The following GRIK1 variants were observed in gnomAD, a reference collection of about 807,000 sequenced individuals.
The protein encoded by GRIK1 is glutamate ionotropic receptor kainate type subunit 1.
A neutral mutation model predicts 105.7 loss-of-function variants in GRIK1; 69 were observed. That is an observed-to-expected ratio of 0.65 (90% confidence interval 0.54 to 0.80). The LOEUF (loss-of-function observed/expected upper bound fraction) is 0.80, where lower values mean the gene tolerates loss of function less well. Ranked by LOEUF, GRIK1 falls within the 30% of genes least tolerant of loss-of-function variation. GRIK1 has a pLI of 0.00. For missense variants in GRIK1, 1,109 were observed against 1,167.3 expected, an observed-to-expected ratio of 0.95 and a Z score of 0.73; for synonymous variants, 438 against 431.3, an observed-to-expected ratio of 1.02 and a Z score of -0.19.
chr21:29,783,953 C>T (rs933404013), intron 1 of GRIK1, among the ~76,000 whole-genome samples: 8 of 152,074 alleles, frequency 5.3e-5, no homozygotes, highest in African/African-American at 1.2e-4. Flanking sequence ...TTTTTTTAGA[C>T]GGAGTCTCGC....
At chr21:29,809,320 G>T (rs2066946976) in intron 1 of GRIK1, among the ~76,000 whole-genome samples, 1 of 152,152 alleles carries the variant, frequency 6.6e-6, no homozygotes, top group African/African-American at 2.4e-5. Context: ...TCCAGTCAGT[G>T]CCTATGAAAA....
chr21:29,934,825 T>G (rs1299440346), intron 1 of GRIK1, among the ~76,000 whole-genome samples: 1 of 152,146 alleles, frequency 6.6e-6, no homozygotes, highest in Non-Finnish European at 1.5e-5. Context: ...AATGTTAACA[T>G]TAGGCCCATA....
intron 15 of GRIK1, 37 bp downstream of exon 15, chr21:29,561,586 TC>T (rs776297643): frequency 7.5e-7 from 1 of 1,335,006 alleles, no homozygotes; most frequent in African/African-American, 1.4e-5. Flanking sequence ...TAACTGACAT[TC>T]TGTATCTCAG....
intron 14 of GRIK1, among the ~76,000 whole-genome samples, chr21:29,567,118 T>C (rs533657063): frequency 2.3e-4 from 35 of 152,214 alleles, no homozygotes; most frequent in Non-Finnish European, 4.4e-4. Context: ...TTTTAGGAAG[T>C]GCAACAGTTA....
At chr21:29,761,182 G>A (rs1240613124) in intron 1 of GRIK1, 2 of 152,180 alleles carry the variant, frequency 1.3e-5, no homozygotes, top group East Asian at 1.9e-4. Flanking sequence ...ATGCCCCTAG[G>A]AGCCACAGTG....
intron 1 of GRIK1, among the ~76,000 whole-genome samples, chr21:29,834,628 C>G (rs897284600): frequency 6.6e-6 from 1 of 150,760 alleles, no homozygotes; most frequent in African/African-American, 2.4e-5. Context: ...TACTCTACCC[C>G]GAAACTTCTT....
intron 3 of GRIK1, 75 bp downstream of exon 3, chr21:29,689,653 A>T: frequency 1.5e-6 from 2 of 1,317,606 alleles, no homozygotes; most frequent in Non-Finnish European, 1.1e-6. Flanking sequence ...TGATGAGTTT[A>T]ATGACTATTT....
chr21:29,786,666 GAA>G (rs2066268924), intron 1 of GRIK1, among the ~76,000 whole-genome samples: 1 of 152,144 alleles, frequency 6.6e-6, no homozygotes, highest in Admixed American at 6.5e-5. Flanking sequence ...TGTGAAACCA[GAA>G]AGTCTTGGGC....
intron 1 of GRIK1, among the ~76,000 whole-genome samples, chr21:29,704,862 G>T (rs1437862902): frequency 6.6e-6 from 1 of 152,164 alleles, no homozygotes; most frequent in African/African-American, 2.4e-5. Context: ...TTCAACAGCA[G>T]ATTTCAGGCA....
intron 12 of GRIK1, among the ~76,000 whole-genome samples, chr21:29,583,920 C>T (rs1326903500): frequency 6.6e-6 from 1 of 152,054 alleles, no homozygotes; most frequent in Non-Finnish European, 1.5e-5. Flanking sequence ...TAATATATGA[C>T]CTACACCAAA....
chr21:29,901,666 C>CA (rs35232332), intron 1 of GRIK1, among the ~76,000 whole-genome samples: 18 of 152,026 alleles, frequency 1.2e-4, no homozygotes, highest in South Asian at 2.1e-4. Context: ...GCCTACCAAC[C>CA]AAAAAAAGTC....
Position 29,862,938 on chromosome 21 carries a change from T to G in GRIK1, c.118+76445A>C, listed in dbSNP as rs1410704528. Reference sequence around the variant, plus strand: ...ACAAAGACCTCAATATTTGGTCTGCTGGCAGTATTCCAATACTGATGGACA... The same window carrying G: ...ACAAAGACCTCAATATTTGGTCTGCGGGCAGTATTCCAATACTGATGGACA... On this transcript the variant is annotated intron_variant, in intron 1 of 17. Transcript: ENST00000327783. 3.3e-5 allele frequency among the ~76,000 whole-genome samples: 5 copies of G among 152,230 alleles called. No individual in the cohort carries two copies. In the East Asian group the frequency reaches 9.6e-4, roughly 29 times the overall value.
intron 7 of GRIK1, among the ~76,000 whole-genome samples, chr21:29,612,110 G>C (rs1245163441): frequency 2.6e-5 from 4 of 152,170 alleles, no homozygotes; most frequent in Non-Finnish European, 5.9e-5. Context: ...AGCGTTTTTT[G>C]TGCAGTCCTC....
At chr21:29,921,271 T>A (rs1180771773) in intron 1 of GRIK1, among the ~76,000 whole-genome samples, 1 of 152,112 alleles carries the variant, frequency 6.6e-6, no homozygotes, top group African/African-American at 2.4e-5. Flanking sequence ...CAGATTCAAA[T>A]CAATATATAA....
At chr21:29,831,650 GA>G (rs2145966560) in intron 1 of GRIK1, among the ~76,000 whole-genome samples, 1 of 152,090 alleles carries the variant, frequency 6.6e-6, no homozygotes, top group South Asian at 2.1e-4. Flanking sequence ...ACTATGATAG[GA>G]ACATCAAGGG....
At chr21:29,884,730 C>T (rs2832473) in intron 1 of GRIK1, among the ~76,000 whole-genome samples, 24,420 of 151,974 alleles carry the variant, frequency 0.16, 1,985 homozygotes, top group Non-Finnish European at 0.18. Context: ...ACCTTCAAGA[C>T]GAGACAACGG....
intron 14 of GRIK1, among the ~76,000 whole-genome samples, chr21:29,563,617 C>T (rs1347058940): frequency 6.6e-5 from 10 of 152,086 alleles, no homozygotes; most frequent in Admixed American, 6.5e-4. Context: ...TCTGATAATG[C>T]TAAACTTATA....
At chr21:29,695,464 C>A (rs779197470) in intron 1 of GRIK1, among the ~76,000 whole-genome samples, 19 of 145,184 alleles carry the variant, frequency 1.3e-4, no homozygotes, top group South Asian at 2.2e-4. Flanking sequence ...ATCTATCTAT[C>A]TATCTATCTA....
At chr21:29,873,823 T>C (rs1164880533) in intron 1 of GRIK1, among the ~76,000 whole-genome samples, 1 of 152,228 alleles carries the variant, frequency 6.6e-6, no homozygotes, top group African/African-American at 2.4e-5. Flanking sequence ...TTTAGGACAG[T>C]GGTCTCCCGC....
Sources: allele counts gnomAD v4.1 joint callset (sites outside exome capture counted in the v4.1 genomes callset), GRCh38; gene constraint gnomAD v4.1.1; transcripts MANE v1.5; gene names NCBI Gene and HGNC (gene_info 2026-07-23, HGNC 2026-07-21).